BRAF: variants seen among roughly 807,000 people sequenced by gnomAD.
BRAF encodes the protein B-Raf proto-oncogene, serine/threonine kinase.
In BRAF, 16 loss-of-function variants were observed where a neutral mutation model predicts 104.6. The ratio of observed to expected loss-of-function variants is 0.15; its 90% CI spans 0.10 to 0.23. The LOEUF (loss-of-function observed/expected upper bound fraction) is 0.23, where lower values mean the gene tolerates loss of function less well. Ranked by LOEUF, BRAF falls within the 10% of genes least tolerant of loss-of-function variation. The probability of loss-of-function intolerance (pLI) is 1.00; values close to 1 mark genes in which losing one functional copy is unlikely to be tolerated. For missense variants in BRAF, 541 were observed against 937.3 expected (o/e 0.58, Z 5.52); for synonymous variants, 310 against 341.6 (o/e 0.91, Z 1.02).
chr7:140,802,399 T>G (rs547430696), intron 5 of BRAF, among the ~76,000 whole-genome samples: 20 of 149,300 alleles, frequency 1.3e-4, no homozygotes, highest in African/African-American at 5.0e-4. Flanking sequence ...CTGGTTCAAG[T>G]GATTCTCCTG....
chr7:140,765,552 T>A (rs1057263082), intron 14 of BRAF, among the ~76,000 whole-genome samples: 2 of 152,080 alleles, frequency 1.3e-5, no homozygotes, highest in African/African-American at 4.8e-5. Flanking sequence ...CCTACTCATC[T>A]GACAAAGGGC....
intron 1 of BRAF, among the ~76,000 whole-genome samples, chr7:140,902,859 A>C (rs953187523): frequency 2.0e-5 from 3 of 152,210 alleles, no homozygotes; most frequent in Admixed American, 6.5e-5. Flanking sequence ...TAGAAGATCA[A>C]ACCAGCCACA....
At chr7:140,886,484 C>T (rs1813575916) in intron 1 of BRAF, among the ~76,000 whole-genome samples, 1 of 152,216 alleles carries the variant, frequency 6.6e-6, no homozygotes, top group Non-Finnish European at 1.5e-5. Context: ...CTACCTCCTG[C>T]CTCATCAGGC....
At chr7:140,876,180 G>A (rs1317617017) in intron 1 of BRAF, among the ~76,000 whole-genome samples, 3 of 152,182 alleles carry the variant, frequency 2.0e-5, no homozygotes, top group Non-Finnish European at 4.4e-5. Flanking sequence ...AGAAGATAAA[G>A]AGACCTACGT....
At chr7:140,715,880 T>C (rs1795119818), downstream of BRAF, among the ~76,000 whole-genome samples, 1 of 152,246 alleles carries the variant, frequency 6.6e-6, no homozygotes, top group Non-Finnish European at 1.5e-5. Flanking sequence ...TTCCACTTTA[T>C]AGGTGAAGAA....
In BRAF at chr7:140,724,515, AAAC is replaced by A. The variant is rs1186611220; in HGVS notation, c.*1976_*1978del. The stretch of plus-strand genomic sequence containing the variant: ...ACTGCCCTGCTGATGTAAAACTTAA[AAAC>A]AAATTTGCTTTTCAAACTGATTAAT... On this transcript the variant is annotated 3_prime_UTR_variant, in exon 20 of 20. Coordinates refer to ENST00000644969, the MANE Select transcript of BRAF (RefSeq NM_001374258.1). 28 of 1,049,082 alleles carry A rather than the reference AAAC, an allele frequency of 2.7e-5. No individual in the cohort carries two copies. The highest frequency in any genetic ancestry group is 2.9e-5 in the Non-Finnish European group (25 of 869,150). The allele number at this position is 1,049,082 out of a possible 1,614,324, so 65.0% of individuals were successfully genotyped here.
At chr7:140,893,589 GT>G (rs539361517) in intron 1 of BRAF, among the ~76,000 whole-genome samples, 8 of 151,848 alleles carry the variant, frequency 5.3e-5, no homozygotes, top group Non-Finnish European at 1.0e-4. Flanking sequence ...TCAAATAGAA[GT>G]ACTCTACTCA....
chr7:140,901,424 A>C (rs1335327624), intron 1 of BRAF, among the ~76,000 whole-genome samples: 1 of 152,222 alleles, frequency 6.6e-6, no homozygotes, highest in Non-Finnish European at 1.5e-5. Flanking sequence ...GAGTGGAAAA[A>C]GGAATTAAAG....
chr7:140,785,537 C>T (rs1801267888), intron 10 of BRAF, among the ~76,000 whole-genome samples: 1 of 152,208 alleles, frequency 6.6e-6, no homozygotes, highest in African/African-American at 2.4e-5. Context: ...GTGAGACGTA[C>T]ATTCAAAGCA....
At chr7:140,879,291 C>G (rs895851607) in intron 1 of BRAF, among the ~76,000 whole-genome samples, 6 of 152,036 alleles carry the variant, frequency 3.9e-5, no homozygotes, top group African/African-American at 1.4e-4. Flanking sequence ...AAAAGAGTCT[C>G]CTGCCTCAGC....
At chr7:140,768,948 T>C (rs893778410) in intron 14 of BRAF, among the ~76,000 whole-genome samples, 1 of 152,228 alleles carries the variant, frequency 6.6e-6, no homozygotes, top group African/African-American at 2.4e-5. Context: ...GCCCAGCAGA[T>C]GTTAGCACCA....
chr7:140,748,741 T>C (rs192553380), intron 17 of BRAF, among the ~76,000 whole-genome samples: 2 of 152,216 alleles, frequency 1.3e-5, no homozygotes, highest in Admixed American at 1.3e-4. Flanking sequence ...TTAGTACCTT[T>C]TGGAAGGTAA....
chr7:140,724,853 T>C lies in BRAF; in HGVS notation c.*1641A>G. 1 of 1,038,886 alleles carries C rather than the reference T, an allele frequency of 9.6e-7. No individual in the cohort carries two copies. The highest frequency in any genetic ancestry group is 1.7e-5 in the African/African-American group (1 of 59,658). The allele number at this position is 1,038,886 out of a possible 1,614,324, so 64.4% of individuals were successfully genotyped here. A position where few individuals can be genotyped will look rare whatever the true frequency, so the allele number is the denominator to read the frequency against. Reference sequence around the variant, plus strand: ...CTGATAAGGGAGGTTTTCCATTAATTTGCCATTAATACATCCGCTTTCTTT... The same window carrying C: ...CTGATAAGGGAGGTTTTCCATTAATCTGCCATTAATACATCCGCTTTCTTT... On this transcript the variant is annotated 3_prime_UTR_variant, in exon 20 of 20. Coordinates refer to ENST00000644969, the MANE Select transcript of BRAF (RefSeq NM_001374258.1).
intron 3 of BRAF, among the ~76,000 whole-genome samples, chr7:140,817,775 G>A (rs957209528): frequency 6.6e-6 from 1 of 152,088 alleles, no homozygotes; most frequent in East Asian, 1.9e-4. Context: ...TGTGTACAAG[G>A]AGACAAGCAC....
intron 1 of BRAF, among the ~76,000 whole-genome samples, chr7:140,912,603 G>A (rs1817110052): frequency 6.6e-6 from 1 of 151,808 alleles, no homozygotes; most frequent in South Asian, 2.1e-4. Flanking sequence ...ACTAGCTCTG[G>A]CCCCATTTCT....
Position 140,719,434 on chromosome 7 carries a change from T to C in BRAF, c.*7060A>G, listed in dbSNP as rs1412670912. 2 of 1,009,708 alleles carry C rather than the reference T, an allele frequency of 2.0e-6. No homozygotes were observed. Among genetic ancestry groups the C allele is most frequent in the Non-Finnish European group, 2.4e-6 (2 of 836,940 alleles). 62.5% of individuals were successfully genotyped at this position (1,009,708 alleles called of 1,614,324 possible). ...TATATAATACAGTTTTTAAATAACT[T>C]TACACAGAAATAAATTTCTTCAATC... On this transcript the variant is annotated 3_prime_UTR_variant, in exon 20 of 20. Coordinates refer to ENST00000644969, the MANE Select transcript of BRAF (RefSeq NM_001374258.1).
At position 140,918,860 on chromosome 7, in the gene BRAF, C is replaced by T. The variant is rs191068647; in HGVS notation, c.138+5706G>A. 1.1e-3 allele frequency among the ~76,000 whole-genome samples: 167 copies of T among 152,256 alleles called. 1 individual carries two copies. The highest frequency in any genetic ancestry group is 3.9e-3 in the African/African-American group (162 of 41,546). On this transcript the variant is annotated intron_variant, in intron 1 of 19. Transcript: ENST00000644969. The stretch of plus-strand genomic sequence containing the variant: ...GTGCAATTTGGAATTTTTATTCTGG[C>T]CAGGTGTGGTGGCTCACGCCTGTAA...
intron 14 of BRAF, among the ~76,000 whole-genome samples, chr7:140,757,127 T>C (rs750554865): frequency 5.9e-5 from 9 of 152,228 alleles, no homozygotes; most frequent in Non-Finnish European, 1.3e-4. Context: ...TTTAATTACA[T>C]GCTTCCTGCT....
chr7:140,906,087 C>CAAAAAAACAAAAAAAAAAAAAAAA (rs1816283747), intron 1 of BRAF, among the ~76,000 whole-genome samples: 1 of 44,714 alleles, frequency 2.2e-5, no homozygotes, highest in African/African-American at 1.0e-4. Flanking sequence ...GACTCCGTCT[C>CAAAAAAACAAAAAAAAAAAAAAAA]AAAAAAAAAA....
Sources: gnomAD v4.1 joint callset for allele counts (sites outside exome capture counted in the v4.1 genomes callset) on GRCh38, gnomAD v4.1.1 for gene constraint, MANE v1.5 for transcripts, NCBI Gene and HGNC (gene_info 2026-07-23, HGNC 2026-07-21) for gene names.